The following RFT1 variants were observed in gnomAD, a reference collection of about 807,000 sequenced individuals.
The protein encoded by RFT1 is man(5)GlcNAc(2)-PP-dolichol translocation protein RFT1.
A neutral mutation model predicts 62.2 loss-of-function variants in RFT1; 43 were observed. The ratio of observed to expected loss-of-function variants is 0.69; its 90% CI spans 0.54 to 0.89. The LOEUF (loss-of-function observed/expected upper bound fraction) is 0.89. RFT1 is among the 40% of genes least tolerant of loss of function. The probability of loss-of-function intolerance (pLI) is 0.00; values close to 1 mark genes in which losing one functional copy is unlikely to be tolerated. For synonymous variants in RFT1, 262 were observed against 264.6 expected, an observed-to-expected ratio of 0.99 and a Z score of 0.10; for missense variants, 605 against 649.9, an observed-to-expected ratio of 0.93 and a Z score of 0.75.
intron 1 of RFT1, among the ~76,000 whole-genome samples, chr3:53,128,355 T>G (rs1165761602): frequency 1.3e-5 from 2 of 152,274 alleles, no homozygotes; most frequent in East Asian, 3.9e-4. Context: ...AAGTTACCAC[T>G]GTCTAAGAAA....
the RFT1 span, among the ~76,000 whole-genome samples, chr3:53,068,294 T>C: frequency 6.6e-6 from 1 of 152,124 alleles, no homozygotes; most frequent in Non-Finnish European, 1.5e-5. Context: ...GCTAAACTTC[T>C]GAGCACTGGC....
At chr3:53,098,852 C>T (rs1477584907) in intron 11 of RFT1, among the ~76,000 whole-genome samples, 1 of 138,892 alleles carries the variant, frequency 7.2e-6, no homozygotes, top group Non-Finnish European at 1.5e-5. Flanking sequence ...GATTCCAGGA[C>T]AGGAATCCTG....
At chr3:53,085,038 CTCCTGCAGGGGCTTTG>C (rs1700828168), downstream of RFT1, among the ~76,000 whole-genome samples, 1 of 147,256 alleles carries the variant, frequency 6.8e-6, no homozygotes, top group Admixed American at 7.4e-5. Context: ...AGTTCCATTT[CTCCTGCAGGGGCTTTG>C]CACTCAGAAG....
intron 8 of RFT1, among the ~76,000 whole-genome samples, 162 bp downstream of exon 8, chr3:53,106,657 T>C (rs1038723970): frequency 2.0e-5 from 3 of 152,190 alleles, no homozygotes; most frequent in African/African-American, 2.4e-5. Context: ...ACCAAAGTCA[T>C]GTTGGAGGGC....
intron 3 of RFT1, 78 bp from the exon 4 acceptor site, chr3:53,122,641 A>G: frequency 1.1e-6 from 1 of 921,644 alleles, no homozygotes; most frequent in Non-Finnish European, 1.5e-6. Flanking sequence ...CACTGAACAG[A>G]AAAAAATAGT....
chr3:53,099,480 A>G lies in RFT1; in HGVS notation c.1109T>C (p.Val370Ala). ...ATAGAGACAGTAGGAACGCAGCAAA[A>G]CAGGACCTACAAGGAAACAACTCAC... ...GTMLSSGSGP[V>A]LLRSYCLYVL... Residue 370 changes from valine (V) to alanine (A), a missense_variant, in exon 11 of 13, where the codon GTT (valine) becomes GCT (alanine). Transcript: ENST00000296292. 6.2e-7 allele frequency: 1 copy of G among 1,613,622 alleles called. No individual in the cohort carries two copies. Among genetic ancestry groups the G allele is most frequent in the East Asian group, 2.2e-5 (1 of 44,862 alleles).
rs572509074 is a variant in RFT1 at position 53,093,599 on chromosome 3, C to A, written c.1209-981G>T. 7.2e-5 allele frequency among the ~76,000 whole-genome samples: 11 copies of A among 152,260 alleles called. No individual in the cohort carries two copies. The East Asian group carries it at 2.1e-3, about 29-fold the overall frequency. On this transcript the variant is annotated intron_variant, in intron 11 of 12. Coordinates refer to ENST00000296292, the MANE Select transcript of RFT1 (RefSeq NM_052859.4). ...CAGAGGCCACCACCCAGATTCTGCA[C>A]ATGAGGGGTCGTCAGAAAGCAGAAT...
intron 5 of RFT1, among the ~76,000 whole-genome samples, chr3:53,121,477 G>A (rs894428660): frequency 2.0e-5 from 3 of 152,100 alleles, no homozygotes; most frequent in East Asian, 1.9e-4. Context: ...GAAGTCCAGT[G>A]TGTGGCCCTC....
intron 11 of RFT1, among the ~76,000 whole-genome samples, chr3:53,098,930 CAGG>C (rs1701232179): frequency 6.6e-6 from 1 of 151,500 alleles, no homozygotes; most frequent in African/African-American, 2.4e-5. Context: ...GGGCTTTTCT[CAGG>C]AGAAGTGTCA....
chr3:53,095,642 A>G (rs1167594110), intron 11 of RFT1, among the ~76,000 whole-genome samples: 1 of 152,062 alleles, frequency 6.6e-6, no homozygotes, highest in East Asian at 1.9e-4. Flanking sequence ...GATTGAGCCT[A>G]AGAAGTCAGG....
At chr3:53,110,718 A>G (rs887344727) in intron 7 of RFT1, among the ~76,000 whole-genome samples, 60 of 152,116 alleles carry the variant, frequency 3.9e-4, no homozygotes, top group Admixed American at 3.8e-3. Context: ...TATTTTTTCT[A>G]TTTTCTTATT....
chr3:53,099,790 C>A (rs1211004570), intron 10 of RFT1, among the ~76,000 whole-genome samples: 2 of 152,202 alleles, frequency 1.3e-5, no homozygotes, highest in East Asian at 3.8e-4. Context: ...AGGTTAGAGA[C>A]CAGCCTGGGC....
At chr3:53,086,338 CAG>C (rs1700853646), downstream of RFT1, among the ~76,000 whole-genome samples, 4 of 151,850 alleles carry the variant, frequency 2.6e-5, no homozygotes, top group South Asian at 8.3e-4. Context: ...TTTTTGGAAA[CAG>C]AGTCTCGCTC....
chr3:53,087,044 C>G (rs1700869523), downstream of RFT1, among the ~76,000 whole-genome samples: 1 of 152,274 alleles, frequency 6.6e-6, no homozygotes, highest in African/African-American at 2.4e-5. Flanking sequence ...TCCAGACCAG[C>G]CTGGCCAACA....
chr3:53,091,071 A>C lies in RFT1; in HGVS notation c.*832T>G, dbSNP rs1700974068. ...TCACCAGTGCAATTCCCATGTGAGA[A>C]GTTACAGAAAGCTGCAAAGCAGCAT... On this transcript the variant is annotated 3_prime_UTR_variant, in exon 13 of 13. Transcript: ENST00000296292. 1 of 152,350 alleles carries C rather than the reference A, an allele frequency of 6.6e-6. No homozygotes were observed. Among genetic ancestry groups the C allele is most frequent in the Non-Finnish European group, 1.5e-5 (1 of 68,118 alleles). 9.4% of individuals were successfully genotyped at this position (152,350 alleles called of 1,614,324 possible).
intron 6 of RFT1, among the ~76,000 whole-genome samples, chr3:53,115,175 A>AGG (rs1316064707): frequency 1.3e-5 from 2 of 152,128 alleles, no homozygotes; most frequent in Non-Finnish European, 2.9e-5. Flanking sequence ...TTCTCATTGC[A>AGG]GGTTCAGGCT....
At chr3:53,096,375 G>A (rs1375517104) in intron 11 of RFT1, among the ~76,000 whole-genome samples, 1 of 150,886 alleles carries the variant, frequency 6.6e-6, no homozygotes, top group African/African-American at 2.4e-5. Flanking sequence ...TATATATTAT[G>A]AGGTTATTAA....
chr3:53,096,754 A>C lies in RFT1; in HGVS notation c.1208+2627T>G, dbSNP rs112600182. ...TACAACCAAATGCTCTCTTCTCTCT[A>C]TATATTTTTTGAGACAGAATCTCTC... On this transcript the variant is annotated intron_variant, in intron 11 of 12. Coordinates refer to ENST00000296292, the MANE Select transcript of RFT1 (RefSeq NM_052859.4). Among the ~76,000 whole-genome samples the C allele has an allele frequency of 4.9e-3, 748 of 152,102 alleles. 9 individuals are homozygous for C. The highest frequency in any genetic ancestry group is 0.017 in the African/African-American group (709 of 41,516).
intron 11 of RFT1, among the ~76,000 whole-genome samples, chr3:53,097,619 A>AT (rs1701181133): frequency 6.6e-6 from 1 of 152,232 alleles, no homozygotes; most frequent in Non-Finnish European, 1.5e-5. Flanking sequence ...GTTGCAATGT[A>AT]TAAAAACATC....
Sources: gnomAD v4.1 joint callset for allele counts (sites outside exome capture counted in the v4.1 genomes callset) on GRCh38, gnomAD v4.1.1 for gene constraint, MANE v1.5 for transcripts, NCBI Gene and HGNC (gene_info 2026-07-23, HGNC 2026-07-21) for gene names.